Variants in FBXW10B observed in about 807,000 individuals in gnomAD.
The protein encoded by FBXW10B is F-box and WD repeat domain containing protein 10B.
At chr17:15,599,405 A>C in the FBXW10B span, among the ~76,000 whole-genome samples, 16,599 of 121,632 alleles carry the variant, frequency 0.14, 1,099 homozygotes, top group East Asian at 0.27. Context: ...CCCCACAGTA[A>C]AGAATTTCCC....
chr17:15,568,167 C>T, the FBXW10B span, among the ~76,000 whole-genome samples: 7 of 152,156 alleles, frequency 4.6e-5, no homozygotes, highest in African/African-American at 1.4e-4. Context: ...GGAATCACGT[C>T]GAGGAGAAGG....
At chr17:15,594,787 C>T in the FBXW10B span, 2 of 1,613,946 alleles carry the variant, frequency 1.2e-6, no homozygotes, top group Non-Finnish European at 1.7e-6. Flanking sequence ...CTCGTACTTC[C>T]CCACCATGCT....
chr17:15,571,892 A>T, the FBXW10B span: 3 of 149,966 alleles, frequency 2.0e-5, no homozygotes, highest in African/African-American at 7.3e-5. Context: ...ATGTCGTATG[A>T]TTCCATTTAT....
chr17:15,601,246 A>G, the FBXW10B span, among the ~76,000 whole-genome samples: 2 of 144,246 alleles, frequency 1.4e-5, no homozygotes, highest in African/African-American at 2.5e-5. Flanking sequence ...CGTCTCTACT[A>G]AAAATACAAA....
chr17:15,590,373 T>C, the FBXW10B span, among the ~76,000 whole-genome samples: 3 of 147,816 alleles, frequency 2.0e-5, no homozygotes, highest in Non-Finnish European at 4.4e-5. Context: ...AGCTGAGCGA[T>C]GCAGCCTTGT....
the FBXW10B span, chr17:15,568,956 T>A: frequency 7.3e-6 from 9 of 1,231,512 alleles, no homozygotes; most frequent in Non-Finnish European, 9.1e-6. Context: ...CCCAGCTGAC[T>A]TCTCTGCCTT....
At chr17:15,612,595 C>T in the FBXW10B span, 32 of 1,504,506 alleles carry the variant, frequency 2.1e-5, no homozygotes, top group South Asian at 2.0e-4. Flanking sequence ...TGTCACCTGC[C>T]GTGATCCTCT....
the FBXW10B span, among the ~76,000 whole-genome samples, chr17:15,579,501 A>G: frequency 1.3e-5 from 2 of 152,306 alleles, no homozygotes; most frequent in South Asian, 2.1e-4. Context: ...TGGGATTTAC[A>G]CGGGAAATTA....
At chr17:15,596,788 A>G in the FBXW10B span, 4 of 1,289,820 alleles carry the variant, frequency 3.1e-6, no homozygotes, top group African/African-American at 6.0e-5. Flanking sequence ...GTCAGATTCT[A>G]GAAGGACTTC....
At chr17:15,615,296 C>A in the FBXW10B span, among the ~76,000 whole-genome samples, 1 of 146,370 alleles carries the variant, frequency 6.8e-6, no homozygotes, top group African/African-American at 2.6e-5. Context: ...TCTTCCCAAT[C>A]TCACATTGGT....
the FBXW10B span, chr17:15,619,452 C>T: frequency 1.2e-6 from 2 of 1,613,848 alleles, no homozygotes; most frequent in Non-Finnish European, 1.7e-6. Flanking sequence ...GGGATGGAAT[C>T]GGTTCCCTTC....
the FBXW10B span, among the ~76,000 whole-genome samples, chr17:15,610,439 A>G: frequency 2.7e-5 from 4 of 150,884 alleles, no homozygotes; most frequent in Non-Finnish European, 4.4e-5. Context: ...GCATACCCCC[A>G]AGTCTGCTTT....
the FBXW10B span, among the ~76,000 whole-genome samples, chr17:15,616,140 G>A: frequency 6.6e-6 from 1 of 151,880 alleles, no homozygotes; most frequent in South Asian, 2.1e-4. Context: ...AACCACCCTC[G>A]AGTCAAAATA....
At chr17:15,612,966 G>T in the FBXW10B span, 85 of 1,037,020 alleles carry the variant, frequency 8.2e-5, 2 homozygotes, top group South Asian at 9.3e-4. Flanking sequence ...GCCCACTTCT[G>T]GCCAGTTCCT....
chr17:15,604,608 C>T, the FBXW10B span, among the ~76,000 whole-genome samples: 1 of 152,094 alleles, frequency 6.6e-6, no homozygotes, highest in East Asian at 1.9e-4. Flanking sequence ...GATCTCGGCT[C>T]ACTGCAAGCT....
the FBXW10B span, among the ~76,000 whole-genome samples, chr17:15,612,087 T>C: frequency 4.6e-5 from 7 of 152,128 alleles, no homozygotes; most frequent in Non-Finnish European, 7.4e-5. Context: ...GCCTCTGAAC[T>C]TGCCACTAAA....
the FBXW10B span, among the ~76,000 whole-genome samples, chr17:15,584,310 CT>C: frequency 6.6e-6 from 1 of 151,984 alleles, no homozygotes; most frequent in South Asian, 2.1e-4. Flanking sequence ...ATTTAATAGC[CT>C]GGGGAAATTA....
At chr17:15,618,066 A>C in the FBXW10B span, among the ~76,000 whole-genome samples, 1 of 152,346 alleles carries the variant, frequency 6.6e-6, no homozygotes, top group African/African-American at 2.4e-5. Flanking sequence ...GCAGTGGCTC[A>C]CGCCTGTAAT....
the FBXW10B span, chr17:15,594,775 C>T: frequency 1.0e-3 from 1,648 of 1,613,888 alleles, 6 homozygotes; most frequent in Non-Finnish European, 1.1e-3. Context: ...CATCAGGCAG[C>T]GCTCGTACTT....
Sources: allele counts gnomAD v4.1 joint callset (sites outside exome capture counted in the v4.1 genomes callset), GRCh38; gene constraint gnomAD v4.1.1; transcripts MANE v1.5; gene names NCBI Gene and HGNC (gene_info 2026-07-23, HGNC 2026-07-21).